Variants in KDM2A observed in about 807,000 individuals in gnomAD.
KDM2A encodes lysine-specific demethylase 2A.
Under a neutral mutation model 137.3 loss-of-function variants are expected in KDM2A, and 3 were observed. The ratio of observed to expected loss-of-function variants is 0.02; its 90% CI spans 0.01 to 0.06. The LOEUF (loss-of-function observed/expected upper bound fraction) is 0.06, where lower values mean the gene tolerates loss of function less well. KDM2A is among the 10% of genes least tolerant of loss of function. The pLI is 1.00. For missense variants in KDM2A, 738 were observed against 1,510.6 expected (o/e 0.49, Z 8.48); for synonymous variants, 512 against 541.5 (o/e 0.95, Z 0.76).
intron 8 of KDM2A, 154 bp from the exon 9 acceptor site, chr11:67,217,577 C>T: frequency 1.5e-6 from 1 of 676,298 alleles, no homozygotes; most frequent in Non-Finnish European, 2.6e-6. Context: ...CTTGGACCTT[C>T]TAGGGTTTAC....
intron 2 of KDM2A, among the ~76,000 whole-genome samples, chr11:67,166,663 T>C (rs191792016): frequency 2.0e-4 from 30 of 152,128 alleles, no homozygotes; most frequent in Non-Finnish European, 4.1e-4. Context: ...AGTTCTGGGC[T>C]GTAATGCAGT....
At chr11:67,121,967 T>G (rs1855607297) in intron 2 of KDM2A, among the ~76,000 whole-genome samples, 1 of 152,316 alleles carries the variant, frequency 6.6e-6, no homozygotes, top group East Asian at 1.9e-4. Context: ...TTTGAAAGGA[T>G]TGGCTTATAT....
rs888783301 is a variant in KDM2A at position 67,171,671 on chromosome 11, A to G, written c.43-8408A>G. Among the ~76,000 whole-genome samples the G allele has an allele frequency of 1.3e-4, 20 of 152,348 alleles. 1 individual carries two copies. Among genetic ancestry groups the G allele is most frequent in the Non-Finnish European group, 2.5e-4 (17 of 68,034 alleles). On this transcript the variant is annotated intron_variant, in intron 2 of 20. Coordinates refer to ENST00000529006, the MANE Select transcript of KDM2A (RefSeq NM_012308.3). ...TCTTCATGTGTAAAATAAATCCATC[A>G]TTCGTCTTAATTCTCACAGTGTGAT...
chr11:67,215,765 G>T, intron 7 of KDM2A, 91 bp from the exon 8 acceptor site: 1 of 861,214 alleles, frequency 1.2e-6, no homozygotes. Context: ...GGAAGATAAA[G>T]GGAGTATATA....
chr11:67,160,935 G>A (rs1009507052), intron 2 of KDM2A, among the ~76,000 whole-genome samples: 2 of 152,186 alleles, frequency 1.3e-5, no homozygotes, highest in Non-Finnish European at 2.9e-5. Flanking sequence ...GCCAGAGCCT[G>A]TCTCTAAAAA....
chr11:67,215,275 T>C, intron 6 of KDM2A, 65 bp from the exon 7 acceptor site: 1 of 1,043,162 alleles, frequency 9.6e-7, no homozygotes, highest in Middle Eastern at 2.1e-4. Flanking sequence ...TTTTCTTGAC[T>C]TTAAAATTAT....
chr11:67,216,411 G>A (rs1020150847), intron 8 of KDM2A, among the ~76,000 whole-genome samples: 4 of 152,176 alleles, frequency 2.6e-5, no homozygotes, highest in Non-Finnish European at 5.9e-5. Context: ...CCTTTTTGAG[G>A]ATGTAAACAG....
At chr11:67,189,041 G>A (rs970959626) in intron 5 of KDM2A, among the ~76,000 whole-genome samples, 2 of 151,962 alleles carry the variant, frequency 1.3e-5, no homozygotes, top group Non-Finnish European at 2.9e-5. Flanking sequence ...GGAAATAGTG[G>A]ACTTAACACA....
rs552865293 is a variant in KDM2A at position 67,196,163 on chromosome 11, A to AATCC, written c.308-11345_308-11342dup. 3.3e-4 allele frequency: 139 copies of AATCC among 417,122 alleles called. 2 individuals carry two copies. Among genetic ancestry groups the AATCC allele is most frequent in the African/African-American group, 2.7e-3 (132 of 49,076 alleles). 25.8% of individuals were successfully genotyped at this position (417,122 alleles called of 1,614,324 possible). A position where few individuals can be genotyped will look rare whatever the true frequency, so the allele number is the denominator to read the frequency against. Reference sequence around the variant, plus strand: ...TTAGGGCAATTTTCTAACAAGACATAATCCACTACAGTGAAACTTTCTTTG... The same window carrying AATCC: ...TTAGGGCAATTTTCTAACAAGACATAATCCATCCACTACAGTGAAACTTTCTTTG... On this transcript the variant is annotated intron_variant, in intron 5 of 20. Transcript: ENST00000529006.
intron 12 of KDM2A, among the ~76,000 whole-genome samples, chr11:67,240,814 G>A (rs1228308938): frequency 2.0e-5 from 3 of 152,096 alleles, no homozygotes; most frequent in Non-Finnish European, 4.4e-5. Flanking sequence ...AGCAGGGCGT[G>A]CTTGGTTGAA....
chr11:67,172,013 C>T (rs1190854403), intron 2 of KDM2A, among the ~76,000 whole-genome samples: 1 of 152,110 alleles, frequency 6.6e-6, no homozygotes, highest in East Asian at 1.9e-4. Flanking sequence ...TCTTTGGAGG[C>T]AGGATCTCAC....
rs1555089327 is a variant in KDM2A, at chr11:67,195,394, A to AG, written c.308-12115dup. Among the ~76,000 whole-genome samples the AG allele has an allele frequency of 1.7e-4, 26 of 150,682 alleles. No homozygotes were observed. In the East Asian group the frequency reaches 4.4e-3, roughly 25 times the overall value. ...CAAAAAAAAAAAAAAAAAAAAAAAA[A>AG]GTTGAATAACATTAATACAGCAATA... On this transcript the variant is annotated intron_variant, in intron 5 of 20. Coordinates refer to ENST00000529006, the MANE Select transcript of KDM2A (RefSeq NM_012308.3).
chr11:67,158,095 T>G (rs1036118996), intron 2 of KDM2A, among the ~76,000 whole-genome samples: 2 of 150,674 alleles, frequency 1.3e-5, no homozygotes, highest in Non-Finnish European at 2.9e-5. Context: ...GTGCACCACT[T>G]ATTCATCCCC....
chr11:67,158,209 G>A (rs1856562674), intron 2 of KDM2A, among the ~76,000 whole-genome samples: 1 of 152,098 alleles, frequency 6.6e-6, no homozygotes. Context: ...TTTTCAGACT[G>A]GTTAGCAGTA....
rs145935861 is a variant in KDM2A at position 67,163,508 on chromosome 11, C to G, written c.43-16571C>G. Among the ~76,000 whole-genome samples the G allele has an allele frequency of 7.8e-4, 118 of 152,246 alleles. 2 individuals are homozygous for G. Among genetic ancestry groups the G allele is most frequent in the African/African-American group, 2.8e-3 (115 of 41,552 alleles). On this transcript the variant is annotated intron_variant, in intron 2 of 20. Coordinates refer to ENST00000529006, the MANE Select transcript of KDM2A (RefSeq NM_012308.3). ...CTTATCTCTAGCCACTTAGGCCATT[C>G]TTTTTGGGACATACAGTTGATTTCC... is the stretch of plus-strand genomic sequence containing the variant.
At chr11:67,127,711 T>A (rs554406909) in intron 2 of KDM2A, among the ~76,000 whole-genome samples, 124 of 152,106 alleles carry the variant, frequency 8.2e-4, no homozygotes, top group African/African-American at 2.9e-3. Context: ...TTAATTTATT[T>A]ATTTATTTAT....
chr11:67,166,429 G>T (rs556610129), intron 2 of KDM2A, among the ~76,000 whole-genome samples: 9 of 152,076 alleles, frequency 5.9e-5, no homozygotes, highest in African/African-American at 1.9e-4. Context: ...CAAGTGATCC[G>T]CCCGCCTTGG....
At chr11:67,162,562 C>T (rs1440795699) in intron 2 of KDM2A, among the ~76,000 whole-genome samples, 2 of 151,998 alleles carry the variant, frequency 1.3e-5, no homozygotes, top group African/African-American at 4.8e-5. Flanking sequence ...TGCGCCACCA[C>T]ACCCAGCTAA....
At chr11:67,176,534 C>A (rs1856976051) in intron 2 of KDM2A, among the ~76,000 whole-genome samples, 1 of 152,152 alleles carries the variant, frequency 6.6e-6, no homozygotes, top group South Asian at 2.1e-4. Flanking sequence ...TACCATCATT[C>A]ATTGCTTAAC....
Sources: allele counts gnomAD v4.1 joint callset (sites outside exome capture counted in the v4.1 genomes callset), GRCh38; gene constraint gnomAD v4.1.1; transcripts MANE v1.5; gene names NCBI Gene and HGNC (gene_info 2026-07-23, HGNC 2026-07-21).